SETBP1: variants seen among roughly 807,000 people sequenced by gnomAD.
SETBP1 encodes SET-binding protein.
Under a neutral mutation model 101.0 loss-of-function variants are expected in SETBP1, and 9 were observed. That is an observed-to-expected ratio of 0.09 (90% CI 0.05 to 0.16). The LOEUF (loss-of-function observed/expected upper bound fraction) is 0.16, where lower values mean the gene tolerates loss of function less well. Among genes scored for constraint, SETBP1 ranks in the 10% least tolerant of loss-of-function variants. The probability of loss-of-function intolerance (pLI) is 1.00; values close to 1 mark genes in which losing one functional copy is unlikely to be tolerated. For synonymous variants in SETBP1, 818 were observed against 788.5 expected (o/e 1.04, Z -0.63); for missense variants, 1,858 against 2,033.8 (o/e 0.91, Z 1.66).
intron 4 of SETBP1, among the ~76,000 whole-genome samples, chr18:44,993,413 A>G (rs945006261): frequency 6.6e-6 from 1 of 152,088 alleles, no homozygotes; most frequent in Admixed American, 6.5e-5. Context: ...CAGAAATAAT[A>G]TATAAACAAG....
At chr18:45,046,280 C>A (rs759453928) in intron 5 of SETBP1, among the ~76,000 whole-genome samples, 2 of 152,150 alleles carry the variant, frequency 1.3e-5, no homozygotes, top group Non-Finnish European at 2.9e-5. Context: ...TGAAAAGGTA[C>A]ACTCAAGAGT....
intron 2 of SETBP1, among the ~76,000 whole-genome samples, chr18:44,762,494 G>A (rs748887845): frequency 1.2e-4 from 18 of 152,210 alleles, no homozygotes; most frequent in South Asian, 2.1e-4. Context: ...TTCTAAGCAC[G>A]CAGTGCTTAG....
intron 3 of SETBP1, among the ~76,000 whole-genome samples, chr18:44,922,908 C>T (rs1182281543): frequency 6.6e-6 from 1 of 152,150 alleles, no homozygotes; most frequent in Non-Finnish European, 1.5e-5. Flanking sequence ...ACTGTATCCT[C>T]CAAGGGATGA....
chr18:44,695,553 T>C (rs1236804000), intron 1 of SETBP1, among the ~76,000 whole-genome samples: 1 of 152,224 alleles, frequency 6.6e-6, no homozygotes, highest in Non-Finnish European at 1.5e-5. Context: ...CTGAGAATTA[T>C]CTGGTCAGCC....
At chr18:44,838,273 C>T (rs2072538352) in intron 2 of SETBP1, among the ~76,000 whole-genome samples, 1 of 152,208 alleles carries the variant, frequency 6.6e-6, no homozygotes, top group South Asian at 2.1e-4. Context: ...TGCTTATCTA[C>T]TCCTTTTGTA....
At chr18:44,824,572 AT>A (rs1415995439) in intron 2 of SETBP1, among the ~76,000 whole-genome samples, 3 of 152,086 alleles carry the variant, frequency 2.0e-5, no homozygotes, top group Admixed American at 6.6e-5. Flanking sequence ...GCGCCTCTAT[AT>A]TTCTGACGGT....
chr18:44,831,644 G>A (rs775450943), intron 2 of SETBP1, among the ~76,000 whole-genome samples: 7 of 152,210 alleles, frequency 4.6e-5, no homozygotes, highest in Non-Finnish European at 7.4e-5. Flanking sequence ...TGTACTTATC[G>A]CCTCAGGTTA....
At chr18:44,729,911 C>T (rs1443070698) in intron 2 of SETBP1, among the ~76,000 whole-genome samples, 1 of 152,132 alleles carries the variant, frequency 6.6e-6, no homozygotes, top group Non-Finnish European at 1.5e-5. Flanking sequence ...GTCACTGTGA[C>T]TTTTGAGAGA....
chr18:44,682,646 CAG>C (rs906630287), intron 1 of SETBP1, among the ~76,000 whole-genome samples: 5 of 152,086 alleles, frequency 3.3e-5, no homozygotes, highest in African/African-American at 1.2e-4. Context: ...GGTATTAAGA[CAG>C]AGTGTTTGGG....
intron 2 of SETBP1, among the ~76,000 whole-genome samples, chr18:44,720,813 G>C (rs1315419472): frequency 6.6e-6 from 1 of 152,126 alleles, no homozygotes; most frequent in Non-Finnish European, 1.5e-5. Flanking sequence ...GAGTTGACCT[G>C]GAAAATCTGG....
intron 3 of SETBP1, among the ~76,000 whole-genome samples, chr18:44,946,605 A>G (rs2071212970): frequency 1.3e-5 from 2 of 152,240 alleles, no homozygotes; most frequent in South Asian, 4.1e-4. Flanking sequence ...ATTAGGAGCC[A>G]TCATCAAATG....
intron 3 of SETBP1, among the ~76,000 whole-genome samples, chr18:44,906,625 T>C (rs1377231784): frequency 1.3e-5 from 2 of 152,184 alleles, no homozygotes; most frequent in Non-Finnish European, 2.9e-5. Flanking sequence ...TGTTTATTTG[T>C]TTGTAGCCCT....
At chr18:45,004,453 T>C (rs1463558853) in intron 4 of SETBP1, among the ~76,000 whole-genome samples, 1 of 152,210 alleles carries the variant, frequency 6.6e-6, no homozygotes, top group African/African-American at 2.4e-5. Flanking sequence ...CACTTTCTAT[T>C]GTGTAACCAG....
At chr18:44,967,306 T>C (rs148828963) in intron 4 of SETBP1, among the ~76,000 whole-genome samples, 1 of 152,200 alleles carries the variant, frequency 6.6e-6, no homozygotes, top group Admixed American at 6.5e-5. Flanking sequence ...GTCATCACCA[T>C]CCCTTGGCAT....
At chr18:44,736,052 T>C (rs780264389) in intron 2 of SETBP1, among the ~76,000 whole-genome samples, 17 of 152,174 alleles carry the variant, frequency 1.1e-4, no homozygotes, top group Non-Finnish European at 2.5e-4. Context: ...GTCACTCTAC[T>C]GGTCTTTTGG....
intron 3 of SETBP1, among the ~76,000 whole-genome samples, chr18:44,875,527 CAAAA>C (rs10645515): frequency 1.6e-5 from 1 of 61,618 alleles, no homozygotes; most frequent in Admixed American, 2.3e-4. Flanking sequence ...GACTCCATCT[CAAAA>C]AAAAAAAAAA....
chr18:45,003,866 G>A (rs562341743), intron 4 of SETBP1, among the ~76,000 whole-genome samples: 2 of 152,280 alleles, frequency 1.3e-5, no homozygotes, highest in African/African-American at 2.4e-5. Flanking sequence ...TGACTTAGGT[G>A]TGGGTAGTCC....
chr18:44,778,050 G>T (rs1157751379), intron 2 of SETBP1, among the ~76,000 whole-genome samples: 1 of 152,172 alleles, frequency 6.6e-6, no homozygotes, highest in African/African-American at 2.4e-5. Flanking sequence ...TGTGGGATGG[G>T]CTGGCGTGTT....
chr18:44,982,186 C>A (rs2072128970), intron 4 of SETBP1, among the ~76,000 whole-genome samples: 1 of 152,162 alleles, frequency 6.6e-6, no homozygotes, highest in African/African-American at 2.4e-5. Context: ...ATAACATTAT[C>A]CTATACAGGT....
Sources: allele counts gnomAD v4.1 joint callset (sites outside exome capture counted in the v4.1 genomes callset), GRCh38; gene constraint gnomAD v4.1.1; transcripts MANE v1.5; gene names NCBI Gene and HGNC (gene_info 2026-07-23, HGNC 2026-07-21).